The following VMA22 variants were observed in gnomAD, a reference collection of about 807,000 sequenced individuals.
VMA22 encodes vacuolar ATPase assembly protein VMA22.
chr2:130,339,683 C>G, the VMA22 span: 1 of 1,304,512 alleles, frequency 7.7e-7, no homozygotes, highest in Non-Finnish European at 1.0e-6. Flanking sequence ...CGTCTTCGGC[C>G]TCCTGTTCAG....
At chr2:130,341,304 T>A in the VMA22 span, 4 of 552,880 alleles carry the variant, frequency 7.2e-6, no homozygotes, top group Non-Finnish European at 1.3e-5. Context: ...ATCTTACCCA[T>A]TGTACCTGAA....
the VMA22 span, chr2:130,339,577 C>G: frequency 7.8e-7 from 1 of 1,289,190 alleles, no homozygotes; most frequent in Non-Finnish European, 1.0e-6. Context: ...CCCTCCACTT[C>G]TTTTCTCTGT....
chr2:130,341,801 G>GGGCCCCCCCCCCCCC, the VMA22 span: 9 of 1,378,090 alleles, frequency 6.5e-6, no homozygotes, highest in Non-Finnish European at 8.9e-6. Flanking sequence ...CCTAGAACGC[G>GGGCCCCCCCCCCCCC]CCCGCCCGCC....
the VMA22 span, chr2:130,340,959 C>G: frequency 1.9e-6 from 3 of 1,613,950 alleles, no homozygotes; most frequent in Non-Finnish European, 2.5e-6. Flanking sequence ...ACTAGGATTC[C>G]AAACCAGTTC....
chr2:130,339,564 T>C, the VMA22 span: 1 of 1,283,134 alleles, frequency 7.8e-7, no homozygotes, highest in African/African-American at 1.5e-5. Context: ...CCTCACCTGC[T>C]CTCCCTCCAC....
the VMA22 span, chr2:130,340,902 A>G: frequency 6.2e-7 from 1 of 1,613,928 alleles, no homozygotes. Flanking sequence ...AACACGGTCC[A>G]CTCACCATCC....
At chr2:130,342,043 CGT>C in the VMA22 span, 1 of 1,614,018 alleles carries the variant, frequency 6.2e-7, no homozygotes, top group Non-Finnish European at 8.5e-7. Context: ...CAACACCGTT[CGT>C]TTCCCCTCCA....
chr2:130,341,748 C>G, the VMA22 span: 8 of 1,611,078 alleles, frequency 5.0e-6, no homozygotes, highest in Admixed American at 1.3e-4. Flanking sequence ...TCCTGGGCCT[C>G]GCTGAAGGAC....
the VMA22 span, chr2:130,342,222 G>A: frequency 6.4e-7 from 1 of 1,555,348 alleles, no homozygotes. Flanking sequence ...ATCAAGGGGC[G>A]TTCCCATCTG....
the VMA22 span, chr2:130,339,365 T>C: frequency 7.5e-7 from 1 of 1,339,534 alleles, no homozygotes. Context: ...ACATTCCAGG[T>C]ACGGCCCTGC....
At chr2:130,342,561 A>C in the VMA22 span, 1 of 458,284 alleles carries the variant, frequency 2.2e-6, no homozygotes. Flanking sequence ...TTACAGTTGA[A>C]CTGTTTCCAG....
At chr2:130,339,512 C>T in the VMA22 span, 5 of 1,315,742 alleles carry the variant, frequency 3.8e-6, no homozygotes, top group East Asian at 1.1e-4. Flanking sequence ...CATTTCATGC[C>T]CTCATTTCCT....
the VMA22 span, chr2:130,341,726 T>A: frequency 1.2e-6 from 2 of 1,611,596 alleles, no homozygotes; most frequent in South Asian, 1.1e-5. Flanking sequence ...CACCTTGAAC[T>A]TCTGGAGTCC....
chr2:130,338,896 A>T, the VMA22 span: 1,523 of 540,888 alleles, frequency 2.8e-3, 19 homozygotes, highest in South Asian at 0.016. Context: ...TCCTATGGGA[A>T]CTCAGGCCTT....
At chr2:130,341,990 C>A in the VMA22 span, 1 of 1,613,166 alleles carries the variant, frequency 6.2e-7, no homozygotes, top group Non-Finnish European at 8.5e-7. Context: ...GCCCGTGTAC[C>A]CTCCTGCCCG....
the VMA22 span, chr2:130,342,056 G>T: frequency 6.2e-7 from 1 of 1,613,914 alleles, no homozygotes; most frequent in Non-Finnish European, 8.5e-7. Flanking sequence ...TTCCCCTCCA[G>T]CTCCTCCAGG....
chr2:130,341,471 C>T, the VMA22 span: 2 of 585,012 alleles, frequency 3.4e-6, no homozygotes, highest in Non-Finnish European at 6.1e-6. Context: ...AAATCTATTC[C>T]CAGTGTAAAG....
At chr2:130,339,962 C>T in the VMA22 span, 1 of 626,774 alleles carries the variant, frequency 1.6e-6, no homozygotes, top group Non-Finnish European at 2.3e-6. Context: ...AGGCCTCTCC[C>T]AAACTCCAGA....
the VMA22 span, chr2:130,339,727 C>T: frequency 1.2e-5 from 15 of 1,304,138 alleles, no homozygotes; most frequent in Non-Finnish European, 1.5e-5. Context: ...ATCACTCGCT[C>T]CAGGAAACAC....
Sources: allele counts gnomAD v4.1 joint callset, GRCh38; gene constraint gnomAD v4.1.1; transcripts MANE v1.5; gene names NCBI Gene and HGNC (gene_info 2026-07-23, HGNC 2026-07-21).